The following ZCCHC14 variants were observed in gnomAD, a reference collection of about 807,000 sequenced individuals.
ZCCHC14 encodes zinc finger CCHC-type containing 14, also known as zinc finger CCHC domain-containing protein 14.
ZCCHC14 carries 16 observed loss-of-function variants against 85.0 expected under a neutral mutation model. The ratio of observed to expected loss-of-function variants is 0.19; its 90% confidence interval spans 0.13 to 0.29. ZCCHC14 has a LOEUF of 0.29. Ranked by LOEUF, ZCCHC14 falls within the 10% of genes least tolerant of loss-of-function variation. The pLI is 1.00. For missense variants in ZCCHC14, 1,303 were observed against 1,443.5 expected (o/e 0.90, Z 1.58); for synonymous variants, 775 against 630.7 (o/e 1.23, Z -3.43).
chr16:87,416,746 ACT>A (rs1342356590), intron 8 of ZCCHC14, among the ~76,000 whole-genome samples: 30 of 152,246 alleles, frequency 2.0e-4, no homozygotes, highest in African/African-American at 7.2e-4. Context: ...GCAGTGCAAG[ACT>A]CTCCATCTCA....
intron 2 of ZCCHC14, among the ~76,000 whole-genome samples, chr16:87,437,339 A>C (rs1298377618): frequency 7.1e-4 from 1 of 1,404 alleles, no homozygotes; most frequent in African/African-American, 2.4e-3. Context: ...TTCCATCTCA[A>C]AAAAAAAAAA....
At chr16:87,419,676 T>C (rs1908987318) in intron 6 of ZCCHC14, 107 bp downstream of exon 6, 2 of 893,156 alleles carry the variant, frequency 2.2e-6, no homozygotes, top group Non-Finnish European at 3.2e-6. Flanking sequence ...CCTCAGGTGA[T>C]CCGCCCGCCT....
At chr16:87,431,901 C>T (rs746354416) in intron 3 of ZCCHC14, among the ~76,000 whole-genome samples, 7 of 152,128 alleles carry the variant, frequency 4.6e-5, no homozygotes, top group South Asian at 2.1e-4. Flanking sequence ...CCGTGGGCGC[C>T]GAGACTCCGG....
At chr16:87,425,640 T>G (rs949709988) in intron 3 of ZCCHC14, among the ~76,000 whole-genome samples, 2 of 151,728 alleles carry the variant, frequency 1.3e-5, no homozygotes, top group Non-Finnish European at 2.9e-5. Context: ...CTTCTCTGCC[T>G]TAAATATTAA....
chr16:87,482,184 C>T (rs1236301229), intron 1 of ZCCHC14, among the ~76,000 whole-genome samples: 4 of 152,198 alleles, frequency 2.6e-5, no homozygotes, highest in Non-Finnish European at 4.4e-5. Context: ...AGAAACCTGC[C>T]TTTGCCACAC....
At chr16:87,443,533 A>G (rs1462562283) in intron 2 of ZCCHC14, among the ~76,000 whole-genome samples, 1 of 151,626 alleles carries the variant, frequency 6.6e-6, no homozygotes, top group East Asian at 1.9e-4. Context: ...CTGAGAAGTT[A>G]GAGACTAGCC....
Position 87,491,649 on chromosome 16 carries a change from A to G in ZCCHC14, c.570+20T>C, listed in dbSNP as rs777937342. The G allele has an allele frequency of 1.6e-5, 22 of 1,391,578 alleles. No individual in the cohort carries two copies. Among genetic ancestry groups the G allele is most frequent in the Middle Eastern group, 5.1e-4 (2 of 3,940 alleles). 86.2% of individuals were successfully genotyped at this position (1,391,578 alleles called of 1,614,324 possible). On this transcript the variant is annotated intron_variant, in intron 1 of 12. Transcript: ENST00000671377. The surrounding 1 kb of genome is among the most constrained non-coding windows in gnomAD (Gnocchi z 5.9). ...GATGCAGACTTGGGGTACAGGGCAGAGCTCGGGGCGGGCACGCACCTTGTG... is the reference window on the plus strand; with the variant it reads ...GATGCAGACTTGGGGTACAGGGCAGGGCTCGGGGCGGGCACGCACCTTGTG...
At chr16:87,429,655 G>T (rs1250222997) in intron 3 of ZCCHC14, among the ~76,000 whole-genome samples, 1 of 152,102 alleles carries the variant, frequency 6.6e-6, no homozygotes, top group African/African-American at 2.4e-5. Context: ...TGCCCAAGCT[G>T]GAGTGCAGTG....
chr16:87,492,407 G>A lies in ZCCHC14; in HGVS notation c.-169C>T, dbSNP rs1163694244. On this transcript the variant is annotated 5_prime_UTR_variant, in exon 1 of 13. Transcript: ENST00000671377. The surrounding 1 kb of genome is among the most constrained non-coding windows in gnomAD (Gnocchi z 6.7). ...GGGCCGGGCGGGCGCCGGGGCGGGG[G>A]CGGGGACCGGGGCCGGGCAAGGCTC... 4 of 145,020 alleles carry A rather than the reference G, an allele frequency of 2.8e-5. No homozygotes were observed. The highest frequency in any genetic ancestry group is 6.8e-5 in the Admixed American group (1 of 14,640). The allele number at this position is 145,020 out of a possible 1,614,324, so 9.0% of individuals were successfully genotyped here.
intron 2 of ZCCHC14, among the ~76,000 whole-genome samples, chr16:87,453,805 C>G (rs544759175): frequency 6.6e-5 from 10 of 152,336 alleles, no homozygotes; most frequent in Non-Finnish European, 1.2e-4. Context: ...GAGGAATACT[C>G]AAGAGAAAAC....
intron 2 of ZCCHC14, among the ~76,000 whole-genome samples, chr16:87,455,055 G>A (rs1166761618): frequency 1.3e-5 from 2 of 152,234 alleles, no homozygotes; most frequent in East Asian, 1.9e-4. Context: ...GTGGGAGGCC[G>A]AGGCGGGCAG....
intron 1 of ZCCHC14, among the ~76,000 whole-genome samples, chr16:87,479,958 T>C (rs1912191469): frequency 6.6e-6 from 1 of 151,730 alleles, no homozygotes; most frequent in Non-Finnish European, 1.5e-5. Flanking sequence ...TTTTTTTAAA[T>C]AGAGATGGGG....
At chr16:87,432,340 G>A (rs1042599636) in intron 3 of ZCCHC14, among the ~76,000 whole-genome samples, 8 of 152,138 alleles carry the variant, frequency 5.3e-5, no homozygotes, top group Admixed American at 1.3e-4. Flanking sequence ...AATTAAATCT[G>A]GCCAACAAAA....
intron 10 of ZCCHC14, among the ~76,000 whole-genome samples, chr16:87,413,468 C>A (rs1029408998): frequency 3.9e-5 from 6 of 152,194 alleles, no homozygotes; most frequent in African/African-American, 1.2e-4. Flanking sequence ...CCCCAGCGCA[C>A]CCCCAGGAAC....
At chr16:87,436,836 G>C (rs370280458) in intron 2 of ZCCHC14, among the ~76,000 whole-genome samples, 1 of 152,188 alleles carries the variant, frequency 6.6e-6, no homozygotes, top group Non-Finnish European at 1.5e-5. Context: ...CTAAACGATC[G>C]AAAGTGATGG....
intron 2 of ZCCHC14, among the ~76,000 whole-genome samples, chr16:87,433,552 C>T (rs1250148419): frequency 5.3e-5 from 8 of 152,224 alleles, no homozygotes; most frequent in Non-Finnish European, 8.8e-5. Context: ...AAAACCGTTA[C>T]GAATCTGTCC....
intron 1 of ZCCHC14, among the ~76,000 whole-genome samples, chr16:87,487,964 G>A: frequency 6.6e-6 from 1 of 150,478 alleles, no homozygotes; most frequent in East Asian, 2.0e-4. Flanking sequence ...GTGGTCAAGG[G>A]TTGGGGGGAG....
chr16:87,442,964 C>T (rs1481706469), intron 2 of ZCCHC14, among the ~76,000 whole-genome samples: 3 of 152,122 alleles, frequency 2.0e-5, no homozygotes, highest in African/African-American at 7.2e-5. Flanking sequence ...TGTCAGCGGG[C>T]CTGCTCTGAA....
At chr16:87,428,620 T>C (rs1034805747) in intron 3 of ZCCHC14, among the ~76,000 whole-genome samples, 5 of 152,372 alleles carry the variant, frequency 3.3e-5, no homozygotes, top group South Asian at 2.1e-4. Flanking sequence ...GTCCATCTGC[T>C]GTTCTGATCT....
Sources: allele counts gnomAD v4.1 joint callset (sites outside exome capture counted in the v4.1 genomes callset), GRCh38; gene constraint gnomAD v4.1.1; non-coding constraint Gnocchi (gnomAD v3.1); transcripts MANE v1.5; gene names NCBI Gene and HGNC (gene_info 2026-07-23, HGNC 2026-07-21).